Variants in CRACD observed in about 807,000 individuals in gnomAD.
CRACD encodes the protein capping protein inhibiting regulator of actin dynamics.
CRACD carries 56 observed loss-of-function variants against 106.8 expected under a neutral mutation model. The ratio of observed to expected loss-of-function variants is 0.52; its 90% CI spans 0.42 to 0.66. The LOEUF is 0.66. Ranked by LOEUF, CRACD falls within the 30% of genes least tolerant of loss-of-function variation. The pLI, the probability that CRACD is intolerant of heterozygous loss-of-function variation, is 0.00. For synonymous variants in CRACD, 754 were observed against 670.8 expected, an observed-to-expected ratio of 1.12 and a Z score of -1.92; for missense variants, 1,730 against 1,623.2, an observed-to-expected ratio of 1.07 and a Z score of -1.13.
At chr4:56,271,770 G>C (rs1411465982) in intron 2 of CRACD, among the ~76,000 whole-genome samples, 1 of 151,916 alleles carries the variant, frequency 6.6e-6, no homozygotes, top group African/African-American at 2.4e-5. Flanking sequence ...TTTTGAGACA[G>C]GGTCTCACTC....
rs139324352 is a variant in CRACD, at chr4:56,146,126, G to C, written c.-335-33158G>C. Among the ~76,000 whole-genome samples the C allele has an allele frequency of 1.9e-3, 287 of 152,168 alleles. 1 individual carries two copies. The highest frequency in any genetic ancestry group is 6.7e-3 in the African/African-American group (279 of 41,536). On this transcript the variant is annotated intron_variant, in intron 1 of 10. Coordinates refer to ENST00000682029, the MANE Select transcript of CRACD (RefSeq NM_001393381.1). ...TTTGTTGTTAATTTCTGAACAAGCT[G>C]TCATTTCAGTTTTGATTTCTATTTT...
intron 4 of CRACD, among the ~76,000 whole-genome samples, chr4:56,301,737 A>C (rs1052576606): frequency 2.6e-5 from 4 of 152,120 alleles, no homozygotes; most frequent in African/African-American, 9.6e-5. Flanking sequence ...CTCTCCACGG[A>C]GTACAGAAGA....
intron 1 of CRACD, among the ~76,000 whole-genome samples, chr4:56,063,873 G>A (rs1732369819): frequency 6.6e-6 from 1 of 152,172 alleles, no homozygotes; most frequent in African/African-American, 2.4e-5. Flanking sequence ...GAATGGAATT[G>A]CTGGATCAAA....
At chr4:56,301,541 C>G (rs575623770) in intron 4 of CRACD, among the ~76,000 whole-genome samples, 1 of 152,150 alleles carries the variant, frequency 6.6e-6, no homozygotes, top group South Asian at 2.1e-4. Context: ...TTAAGACATT[C>G]TTCTGAGATG....
chr4:56,234,295 G>T (rs529432868), intron 2 of CRACD, among the ~76,000 whole-genome samples: 1 of 152,068 alleles, frequency 6.6e-6, no homozygotes, highest in African/African-American at 2.4e-5. Flanking sequence ...CCTGTTTTCT[G>T]TCCCCTGGTT....
chr4:56,049,601 T>C (rs542320342), intron 1 of CRACD, among the ~76,000 whole-genome samples: 174 of 152,186 alleles, frequency 1.1e-3, no homozygotes, highest in African/African-American at 3.9e-3. Flanking sequence ...TCGCCTGCCT[T>C]CTCCTCTTCC....
chr4:56,065,921 T>TA (rs2109790843), intron 1 of CRACD, among the ~76,000 whole-genome samples: 1 of 152,332 alleles, frequency 6.6e-6, no homozygotes, highest in South Asian at 2.1e-4. Context: ...TTCCCTCATG[T>TA]AAATGGGGTC....
intron 2 of CRACD, among the ~76,000 whole-genome samples, chr4:56,196,945 A>G (rs1423221829): frequency 2.6e-5 from 4 of 152,186 alleles, no homozygotes; most frequent in Admixed American, 2.6e-4. Flanking sequence ...CTTAATAGCA[A>G]TGGCCCTGAA....
intron 3 of CRACD, among the ~76,000 whole-genome samples, chr4:56,296,994 A>T (rs1744088025): frequency 6.7e-6 from 1 of 149,046 alleles, no homozygotes; most frequent in Non-Finnish European, 1.5e-5. Flanking sequence ...ATCTTGGCTC[A>T]CTGCAATCCC....
intron 2 of CRACD, among the ~76,000 whole-genome samples, chr4:56,252,292 C>T (rs1015658889): frequency 1.3e-5 from 2 of 152,198 alleles, no homozygotes; most frequent in African/African-American, 4.8e-5. Flanking sequence ...ACAACCATCT[C>T]TAACACCACC....
At chr4:56,292,616 C>G (rs1236911943) in intron 3 of CRACD, among the ~76,000 whole-genome samples, 1 of 152,060 alleles carries the variant, frequency 6.6e-6, no homozygotes, top group African/African-American at 2.4e-5. Context: ...CCTCCACCTC[C>G]CGGGTTCACA....
intron 1 of CRACD, among the ~76,000 whole-genome samples, chr4:56,070,594 T>A (rs1174819489): frequency 1.3e-5 from 2 of 152,188 alleles, no homozygotes; most frequent in Non-Finnish European, 2.9e-5. Context: ...GCCCGAGTCC[T>A]TGCCCATTTT....
At chr4:56,301,076 C>T in intron 4 of CRACD, 1 of 411,346 alleles carries the variant, frequency 2.4e-6, no homozygotes, top group Non-Finnish European at 4.3e-6. Flanking sequence ...CCTTTCAGCT[C>T]TGTAGTTATA....
chr4:56,318,376 C>T (rs1394740732), intron 8 of CRACD, among the ~76,000 whole-genome samples: 1 of 152,016 alleles, frequency 6.6e-6, no homozygotes, highest in Non-Finnish European at 1.5e-5. Context: ...ACCATTTCTC[C>T]CTAATGATTT....
At chr4:56,327,379 A>G (rs1471660199) in intron 10 of CRACD, among the ~76,000 whole-genome samples, 2 of 152,270 alleles carry the variant, frequency 1.3e-5, no homozygotes, top group South Asian at 2.1e-4. Context: ...ACAAAATTTC[A>G]GTTAGATAAG....
At chr4:56,170,140 G>A (rs2276901) in intron 1 of CRACD, 12,653 of 152,220 alleles carry the variant, frequency 0.083, 932 homozygotes, top group East Asian at 0.43. Flanking sequence ...TTCGAATGCC[G>A]ACATCACAAA....
At chr4:56,126,726 T>G (rs367849955) in intron 1 of CRACD, among the ~76,000 whole-genome samples, 7 of 152,206 alleles carry the variant, frequency 4.6e-5, no homozygotes, top group East Asian at 1.9e-4. Context: ...ACAATTTTAT[T>G]GGGTTCTTCG....
chr4:56,273,326 T>G (rs2109650785), intron 3 of CRACD, among the ~76,000 whole-genome samples: 1 of 151,798 alleles, frequency 6.6e-6, no homozygotes, highest in East Asian at 1.9e-4. Flanking sequence ...CCTTCCTTCC[T>G]TCCTTCCTCC....
chr4:56,219,494 G>T (rs1172173950), intron 2 of CRACD, among the ~76,000 whole-genome samples: 1 of 152,048 alleles, frequency 6.6e-6, no homozygotes, highest in African/African-American at 2.4e-5. Flanking sequence ...GATTACAGGT[G>T]CATGCCACCA....
Sources: gnomAD v4.1 joint callset for allele counts (sites outside exome capture counted in the v4.1 genomes callset) on GRCh38, gnomAD v4.1.1 for gene constraint, MANE v1.5 for transcripts, NCBI Gene and HGNC (gene_info 2026-07-23, HGNC 2026-07-21) for gene names.